Variants in CAP2 observed in about 807,000 individuals in gnomAD.
CAP2 encodes adenylyl cyclase-associated protein 2.
Under a neutral mutation model 57.7 loss-of-function variants are expected in CAP2, and 24 were observed. That is an observed-to-expected ratio of 0.42 (90% CI 0.30 to 0.58). The LOEUF (loss-of-function observed/expected upper bound fraction) is 0.58, where lower values mean the gene tolerates loss of function less well. CAP2 is among the 20% of genes least tolerant of loss of function. The pLI is 0.22. For missense variants in CAP2, 501 were observed against 590.3 expected, an observed-to-expected ratio of 0.85 and a Z score of 1.57; for synonymous variants, 194 against 207.2, an observed-to-expected ratio of 0.94 and a Z score of 0.55.
chr6:17,557,205 T>C lies in CAP2; in HGVS notation c.*763T>C, dbSNP rs1763334865. ...GCTATGTAATACCTCGCAACTTTGC[T>C]CTAAAATCAAGCTCAGTTATTATTT... On this transcript the variant is annotated 3_prime_UTR_variant, in exon 13 of 13. Transcript: ENST00000229922. 1 of 152,212 alleles carries C rather than the reference T, an allele frequency of 6.6e-6. No individual in the cohort carries two copies. The highest frequency in any genetic ancestry group is 2.1e-4 in the South Asian group (1 of 4,832). The allele number at this position is 152,212 out of a possible 1,614,324, so 9.4% of individuals were successfully genotyped here.
chr6:17,462,906 G>A, intron 3 of CAP2, 90 bp from the exon 4 acceptor site: 4 of 941,084 alleles, frequency 4.3e-6, no homozygotes, highest in Non-Finnish European at 7.0e-6. Flanking sequence ...TTTTTCTTGG[G>A]TATATACCTA....
chr6:17,548,271 G>A (rs1007318657), intron 11 of CAP2, among the ~76,000 whole-genome samples: 1 of 151,920 alleles, frequency 6.6e-6, no homozygotes, highest in African/African-American at 2.4e-5. Flanking sequence ...GGAGGCTGAG[G>A]CCGGAGAATC....
chr6:17,399,852 A>G (rs564900011), intron 1 of CAP2, among the ~76,000 whole-genome samples: 1 of 152,270 alleles, frequency 6.6e-6, no homozygotes, highest in East Asian at 1.9e-4. Context: ...CTGAACATAG[A>G]AGGGAGGTAA....
intron 12 of CAP2, among the ~76,000 whole-genome samples, chr6:17,552,367 G>A (rs368611820): frequency 5.3e-5 from 8 of 152,304 alleles, no homozygotes; most frequent in African/African-American, 1.9e-4. Context: ...ATACAGAGAA[G>A]GCCAAGCATG....
intron 1 of CAP2, among the ~76,000 whole-genome samples, chr6:17,397,853 C>CT (rs1396741283): frequency 6.6e-6 from 1 of 151,656 alleles, no homozygotes; most frequent in African/African-American, 2.4e-5. Context: ...GCTTTGAAGA[C>CT]TTTTTTTCCA....
Position 17,462,976 on chromosome 6 carries a change from A to T in CAP2, c.223-20A>T, listed in dbSNP as rs1223768744. 6.2e-7 allele frequency: 1 copy of T among 1,607,872 alleles called. No individual in the cohort carries two copies. Among genetic ancestry groups the T allele is most frequent in the Non-Finnish European group, 8.5e-7 (1 of 1,174,438 alleles). On this transcript the variant is annotated intron_variant, in intron 3 of 12. Coordinates refer to ENST00000229922, the MANE Select transcript of CAP2 (RefSeq NM_006366.3). ...TTAGGAGTCAAACATTGAAACTGCC[A>T]TCTTCCTCTTTGTTCCCAGGCAGAA...
At chr6:17,545,854 C>T (rs1470792977) in intron 11 of CAP2, among the ~76,000 whole-genome samples, 1 of 152,138 alleles carries the variant, frequency 6.6e-6, no homozygotes, top group African/African-American at 2.4e-5. Flanking sequence ...CATCCATGTC[C>T]CTACAAAGGA....
intron 7 of CAP2, among the ~76,000 whole-genome samples, chr6:17,516,480 A>G (rs1389584078): frequency 6.6e-6 from 1 of 152,184 alleles, no homozygotes; most frequent in Non-Finnish European, 1.5e-5. Context: ...GAGGGGGCTG[A>G]GGGATAAAAG....
chr6:17,414,015 T>C lies in CAP2; in HGVS notation c.-1-7540T>C, dbSNP rs1759210328. On this transcript the variant is annotated intron_variant, in intron 1 of 12. Transcript: ENST00000229922. Reference sequence around the variant, plus strand: ...ATTGCAGTGAGCCAAGATTGTGCCATTGCACTCCAGCTTGGGTGACAGAGT... The same window carrying C: ...ATTGCAGTGAGCCAAGATTGTGCCACTGCACTCCAGCTTGGGTGACAGAGT... Among the ~76,000 whole-genome samples the C allele has an allele frequency of 2.6e-5, 4 of 151,184 alleles. No homozygotes were observed. In the South Asian group the frequency reaches 6.3e-4, roughly 24 times the overall value.
intron 3 of CAP2, among the ~76,000 whole-genome samples, chr6:17,438,956 C>A (rs1759988464): frequency 6.7e-6 from 1 of 150,120 alleles, no homozygotes; most frequent in South Asian, 2.1e-4. Flanking sequence ...ACTAAAAACA[C>A]AAAAATTAGC....
chr6:17,505,297 T>G (rs1418933541), intron 4 of CAP2, among the ~76,000 whole-genome samples: 3 of 152,190 alleles, frequency 2.0e-5, no homozygotes, highest in African/African-American at 7.2e-5. Context: ...ATAAAGGGGT[T>G]TAGAAGGAGA....
intron 11 of CAP2, among the ~76,000 whole-genome samples, chr6:17,549,163 A>G (rs1380630915): frequency 1.3e-5 from 2 of 152,186 alleles, no homozygotes; most frequent in Admixed American, 1.3e-4. Flanking sequence ...TAAAGAACTT[A>G]AATCAATAAG....
At chr6:17,474,891 G>A (rs553423751) in intron 4 of CAP2, among the ~76,000 whole-genome samples, 1 of 152,084 alleles carries the variant, frequency 6.6e-6, no homozygotes, top group African/African-American at 2.4e-5. Context: ...CACTTGTTTT[G>A]TTTGAGGAAT....
At chr6:17,474,184 T>TGTTG (rs1491462554) in intron 4 of CAP2, among the ~76,000 whole-genome samples, 1 of 99,384 alleles carries the variant, frequency 1.0e-5, no homozygotes, top group African/African-American at 4.8e-5. Flanking sequence ...AAAAAAACAG[T>TGTTG]CTTTTTTTTT....
Position 17,551,446 on chromosome 6 carries a change from T to C in CAP2, c.1210-18T>C. ...TCTGTTTCTTTGCTTTGGTCCCAGG[T>C]ATTTTTTCCTATTTCAGGTAATGGG... is the stretch of plus-strand genomic sequence containing the variant. On this transcript the variant is annotated intron_variant, in intron 11 of 12. Coordinates refer to ENST00000229922, the MANE Select transcript of CAP2 (RefSeq NM_006366.3). The C allele has an allele frequency of 6.3e-7, 1 of 1,576,328 alleles. No homozygotes were observed. Among genetic ancestry groups the C allele is most frequent in the Non-Finnish European group, 8.6e-7 (1 of 1,158,248 alleles).
At chr6:17,547,676 C>A (rs1159909734) in intron 11 of CAP2, among the ~76,000 whole-genome samples, 1 of 151,854 alleles carries the variant, frequency 6.6e-6, no homozygotes, top group Admixed American at 6.6e-5. Flanking sequence ...CCTGTCTCTA[C>A]TAAAAATACA....
chr6:17,424,018 C>T (rs111272852), intron 2 of CAP2, among the ~76,000 whole-genome samples: 34 of 152,136 alleles, frequency 2.2e-4, no homozygotes, highest in African/African-American at 7.2e-4. Context: ...ACAAATCCGC[C>T]GAACAACCTT....
chr6:17,522,933 T>G (rs1312712031), intron 7 of CAP2, among the ~76,000 whole-genome samples: 1 of 152,188 alleles, frequency 6.6e-6, no homozygotes, highest in Non-Finnish European at 1.5e-5. Flanking sequence ...TAGCCGGTAC[T>G]ACAGCCATAT....
intron 4 of CAP2, among the ~76,000 whole-genome samples, chr6:17,464,893 T>C (rs756553142): frequency 1.3e-5 from 2 of 152,210 alleles, no homozygotes; most frequent in Non-Finnish European, 2.9e-5. Context: ...GGTGGTCCAA[T>C]TGAGATTCTC....
Sources: allele counts gnomAD v4.1 joint callset (sites outside exome capture counted in the v4.1 genomes callset), GRCh38; gene constraint gnomAD v4.1.1; transcripts MANE v1.5; gene names NCBI Gene and HGNC (gene_info 2026-07-23, HGNC 2026-07-21).